STAG1: variants seen among roughly 807,000 people sequenced by gnomAD.
STAG1 encodes the protein STAG1 cohesin complex component.
A neutral mutation model predicts 170.9 loss-of-function variants in STAG1; 26 were observed. That is an observed-to-expected ratio of 0.15 (90% confidence interval 0.11 to 0.21). The LOEUF is 0.21. Among genes scored for constraint, STAG1 ranks in the 10% least tolerant of loss-of-function variants. STAG1 has a pLI of 1.00. For synonymous variants in STAG1, 514 were observed against 497.7 expected, an observed-to-expected ratio of 1.03 and a Z score of -0.44; for missense variants, 964 against 1,509.5, an observed-to-expected ratio of 0.64 and a Z score of 5.99.
intron 1 of STAG1, among the ~76,000 whole-genome samples, chr3:136,743,570 A>G (rs200098753): frequency 4.6e-5 from 7 of 152,122 alleles, no homozygotes; most frequent in Non-Finnish European, 1.0e-4. Context: ...GAATAGCCCT[A>G]TATCTAGTAT....
chr3:136,701,649 T>A (rs1363438324), intron 1 of STAG1, among the ~76,000 whole-genome samples: 1 of 152,132 alleles, frequency 6.6e-6, no homozygotes, highest in Non-Finnish European at 1.5e-5. Flanking sequence ...AAAATCAAGA[T>A]AACACCTATC....
rs1214406855 is a variant in STAG1, at chr3:136,342,203, T to A, written c.3447-652A>T. Among the ~76,000 whole-genome samples, 3 of 151,960 alleles carry A rather than the reference T, an allele frequency of 2.0e-5. No homozygotes were observed. The East Asian group carries it at 5.8e-4, about 29-fold the overall frequency. On this transcript the variant is annotated intron_variant, in intron 30 of 33. Transcript: ENST00000383202. ...CCCAGCTAATTTTTTGTATTTTTAG[T>A]AGACATGGGGTTTCACCATGTTAGT...
intron 4 of STAG1, among the ~76,000 whole-genome samples, chr3:136,591,792 A>G (rs1289077059): frequency 1.3e-5 from 2 of 152,124 alleles, no homozygotes; most frequent in Admixed American, 6.5e-5. Context: ...CCTCACATAA[A>G]CTCATTAAAC....
At chr3:136,744,548 G>C (rs1934837347) in intron 1 of STAG1, among the ~76,000 whole-genome samples, 1 of 152,096 alleles carries the variant, frequency 6.6e-6, no homozygotes. Flanking sequence ...TCTGATGGAA[G>C]TGAAATGGTT....
At chr3:136,419,623 GTTTT>G (rs11320131) in intron 20 of STAG1, among the ~76,000 whole-genome samples, 2 of 136,486 alleles carry the variant, frequency 1.5e-5, no homozygotes, top group Admixed American at 1.5e-4. Context: ...TTTTGTGTGT[GTTTT>G]TTTTTTTTTT....
intron 6 of STAG1, among the ~76,000 whole-genome samples, chr3:136,527,245 T>A (rs1433846251): frequency 1.3e-5 from 2 of 152,234 alleles, no homozygotes; most frequent in Admixed American, 6.5e-5. Flanking sequence ...AGATGTAGAT[T>A]TGGTCTTTCA....
intron 12 of STAG1, among the ~76,000 whole-genome samples, chr3:136,469,009 G>T (rs1190010888): frequency 2.6e-5 from 4 of 152,022 alleles, no homozygotes; most frequent in Admixed American, 6.6e-5. Context: ...AGCTATTTAT[G>T]ACAAACCCAC....
At chr3:136,436,291 G>T (rs527609591) in intron 15 of STAG1, among the ~76,000 whole-genome samples, 3 of 151,196 alleles carry the variant, frequency 2.0e-5, no homozygotes, top group South Asian at 2.1e-4. Context: ...GATATTTTTG[G>T]TTTTTTTGGA....
intron 16 of STAG1, 21 bp downstream of exon 16, chr3:136,433,535 T>C (rs763628541): frequency 2.2e-5 from 35 of 1,566,542 alleles, no homozygotes; most frequent in Non-Finnish European, 2.8e-5. Flanking sequence ...TTTTAGGAGA[T>C]TTCTCACTAA....
intron 1 of STAG1, among the ~76,000 whole-genome samples, chr3:136,702,257 T>A (rs771317247): frequency 6.6e-6 from 1 of 152,156 alleles, no homozygotes; most frequent in African/African-American, 2.4e-5. Context: ...AAAGTGCTTT[T>A]ACATTTATTT....
intron 15 of STAG1, among the ~76,000 whole-genome samples, chr3:136,438,138 C>T (rs2088511060): frequency 6.6e-6 from 1 of 152,028 alleles, no homozygotes; most frequent in Non-Finnish European, 1.5e-5. Context: ...TAGAACATAA[C>T]ATCATTCATG....
intron 1 of STAG1, among the ~76,000 whole-genome samples, chr3:136,708,967 CTTTTTTTT>C (rs61595071): frequency 0.27 from 23,137 of 86,180 alleles, 2,625 homozygotes; most frequent in Middle Eastern, 0.38. Context: ...CTGCAGCTGG[CTTTTTTTT>C]TTTTTTTTTT....
intron 6 of STAG1, among the ~76,000 whole-genome samples, chr3:136,532,496 T>C (rs1419624685): frequency 6.6e-6 from 1 of 152,186 alleles, no homozygotes; most frequent in Non-Finnish European, 1.5e-5. Flanking sequence ...TGAATCCTTC[T>C]GGGCCTGGGC....
intron 1 of STAG1, among the ~76,000 whole-genome samples, chr3:136,696,960 T>A (rs573191363): frequency 4.9e-4 from 75 of 152,268 alleles, no homozygotes; most frequent in Non-Finnish European, 3.2e-4. Context: ...CGGATGCACA[T>A]GAAACTCATG....
At chr3:136,469,948 C>T (rs1266780821) in intron 12 of STAG1, among the ~76,000 whole-genome samples, 5 of 152,232 alleles carry the variant, frequency 3.3e-5, no homozygotes, top group Admixed American at 2.0e-4. Context: ...AAAGCTGAAA[C>T]TGGATCCCTT....
At chr3:136,731,565 A>G (rs1934043131) in intron 1 of STAG1, among the ~76,000 whole-genome samples, 1 of 152,226 alleles carries the variant, frequency 6.6e-6, no homozygotes, top group Non-Finnish European at 1.5e-5. Flanking sequence ...GAAAGAGAGG[A>G]GCAATAAGCC....
intron 13 of STAG1, among the ~76,000 whole-genome samples, chr3:136,458,666 A>T (rs1273398038): frequency 1.3e-5 from 2 of 152,190 alleles, no homozygotes; most frequent in Non-Finnish European, 2.9e-5. Flanking sequence ...TAGTAAACAC[A>T]TGCCCATCAA....
chr3:136,538,783 G>A (rs1023081173), intron 6 of STAG1, among the ~76,000 whole-genome samples: 1 of 152,144 alleles, frequency 6.6e-6, no homozygotes, highest in Non-Finnish European at 1.5e-5. Context: ...CTGAAAAGGA[G>A]CATGGTGAAG....
At chr3:136,416,826 T>A (rs374485284) in intron 21 of STAG1, among the ~76,000 whole-genome samples, 13 of 151,258 alleles carry the variant, frequency 8.6e-5, no homozygotes, top group African/African-American at 2.4e-4. Flanking sequence ...AATAATAAAG[T>A]ACTGTTTTCA....
Sources: gnomAD v4.1 joint callset for allele counts (sites outside exome capture counted in the v4.1 genomes callset) on GRCh38, gnomAD v4.1.1 for gene constraint, MANE v1.5 for transcripts, NCBI Gene and HGNC (gene_info 2026-07-23, HGNC 2026-07-21) for gene names.